CTDSPL: variants seen among roughly 807,000 people sequenced by gnomAD.
CTDSPL encodes CTD small phosphatase like.
CTDSPL carries 8 observed loss-of-function variants against 30.5 expected under a neutral mutation model. That is an observed-to-expected ratio of 0.26 (90% CI 0.15 to 0.47). The LOEUF (loss-of-function observed/expected upper bound fraction) is 0.47, where lower values mean the gene tolerates loss of function less well. Ranked by LOEUF, CTDSPL falls within the 20% of genes least tolerant of loss-of-function variation. The pLI, the probability that CTDSPL is intolerant of heterozygous loss-of-function variation, is 0.99. For synonymous variants in CTDSPL, 110 were observed against 137.9 expected (o/e 0.80, Z 1.42); for missense variants, 248 against 366.1 (o/e 0.68, Z 2.63).
At chr3:37,865,408 G>T (rs1697998003) in intron 1 of CTDSPL, among the ~76,000 whole-genome samples, 1 of 152,180 alleles carries the variant, frequency 6.6e-6, no homozygotes, top group African/African-American at 2.4e-5. Context: ...CATCAGCTTG[G>T]TTAAACATTT....
chr3:37,930,907 C>T (rs938958233), intron 1 of CTDSPL, among the ~76,000 whole-genome samples: 2 of 152,052 alleles, frequency 1.3e-5, no homozygotes, highest in African/African-American at 4.8e-5. Flanking sequence ...CATATAACTC[C>T]TTTTTATCAT....
chr3:37,945,543 C>T (rs1466334297), intron 1 of CTDSPL, among the ~76,000 whole-genome samples: 1 of 152,232 alleles, frequency 6.6e-6, no homozygotes, highest in African/African-American at 2.4e-5. Flanking sequence ...TATCTCTTCC[C>T]ACACTGCCAC....
chr3:37,910,697 A>G (rs1280913262), intron 1 of CTDSPL, among the ~76,000 whole-genome samples: 3 of 152,204 alleles, frequency 2.0e-5, no homozygotes, highest in Admixed American at 2.0e-4. Context: ...TTTTCTTTTT[A>G]TCTGCTTTGA....
chr3:37,978,477 C>T (rs1162003986), intron 7 of CTDSPL, among the ~76,000 whole-genome samples: 1 of 152,146 alleles, frequency 6.6e-6, no homozygotes, highest in African/African-American at 2.4e-5. Flanking sequence ...ACAGCTTATA[C>T]ACATAGCCTA....
chr3:37,876,772 A>G (rs1405985548), intron 1 of CTDSPL, among the ~76,000 whole-genome samples: 1 of 151,538 alleles, frequency 6.6e-6, no homozygotes, highest in Non-Finnish European at 1.5e-5. Flanking sequence ...TTATCGTCTT[A>G]GTAATGTCTT....
In CTDSPL at chr3:37,975,374, C is replaced by T. The variant is rs1249910066; in HGVS notation, c.520-335C>T. Among the ~76,000 whole-genome samples, 1 of 152,126 alleles carries T rather than the reference C, an allele frequency of 6.6e-6. No individual in the cohort carries two copies. Among genetic ancestry groups the T allele is most frequent in the Non-Finnish European group, 1.5e-5 (1 of 68,028 alleles). ...TAGGTGAATGGGCTAGAAAGGAGGCCCCGTGGGAAAGACAGGTTTTTCACG... is the reference window on the plus strand; with the variant it reads ...TAGGTGAATGGGCTAGAAAGGAGGCTCCGTGGGAAAGACAGGTTTTTCACG... On this transcript the variant is annotated intron_variant, in intron 6 of 7. Coordinates refer to ENST00000273179, the MANE Select transcript of CTDSPL (RefSeq NM_001008392.2). This position sits in a 1 kb window ranked among gnomAD's most constrained non-coding sequence, Gnocchi z 4.9.
intron 2 of CTDSPL, among the ~76,000 whole-genome samples, chr3:37,955,525 AGTCAT>A (rs1426622073): frequency 1.3e-5 from 2 of 152,230 alleles, no homozygotes; most frequent in African/African-American, 4.8e-5. Flanking sequence ...AAAAAGAAGA[AGTCAT>A]GTCATTTGCA....
chr3:37,905,505 G>C (rs984242316), intron 1 of CTDSPL, among the ~76,000 whole-genome samples: 1 of 152,184 alleles, frequency 6.6e-6, no homozygotes, highest in Non-Finnish European at 1.5e-5. Context: ...TCAATGCACA[G>C]CTATTTCTGT....
intron 1 of CTDSPL, among the ~76,000 whole-genome samples, chr3:37,895,315 T>C (rs956406694): frequency 3.9e-5 from 6 of 152,218 alleles, no homozygotes. Context: ...TTAGTTATTT[T>C]ATCCTTAGCT....
chr3:37,966,372 G>A (rs1272095620), intron 4 of CTDSPL, among the ~76,000 whole-genome samples: 2 of 152,240 alleles, frequency 1.3e-5, no homozygotes, highest in African/African-American at 4.8e-5. Context: ...TTTGTACAAT[G>A]CATAGGTTCA....
intron 2 of CTDSPL, among the ~76,000 whole-genome samples, chr3:37,949,669 T>C (rs1214323926): frequency 6.6e-5 from 10 of 152,344 alleles, no homozygotes; most frequent in Non-Finnish European, 1.2e-4. Context: ...TGTACTTCCC[T>C]CAGTTTTCAT....
chr3:37,917,839 T>C (rs1698667302), intron 1 of CTDSPL, among the ~76,000 whole-genome samples: 1 of 152,198 alleles, frequency 6.6e-6, no homozygotes, highest in Admixed American at 6.5e-5. Context: ...GTAAAATTTA[T>C]TGTGATTGTG....
chr3:37,864,894 C>T (rs1697992052), intron 1 of CTDSPL, among the ~76,000 whole-genome samples: 1 of 151,958 alleles, frequency 6.6e-6, no homozygotes, highest in Non-Finnish European at 1.5e-5. Flanking sequence ...ATCATTTATT[C>T]TGTAAAATAG....
chr3:37,923,506 T>C (rs558791882), intron 1 of CTDSPL, among the ~76,000 whole-genome samples: 11 of 152,354 alleles, frequency 7.2e-5, no homozygotes, highest in African/African-American at 2.6e-4. Flanking sequence ...TTTTGAAATA[T>C]GTGGTTTATG....
intron 2 of CTDSPL, among the ~76,000 whole-genome samples, chr3:37,953,805 A>G (rs891961203): frequency 2.0e-5 from 3 of 152,240 alleles, no homozygotes; most frequent in Admixed American, 2.0e-4. Context: ...CTAAAAATAA[A>G]CAGCAACCAA....
chr3:37,879,719 A>G (rs1187532294), intron 1 of CTDSPL, among the ~76,000 whole-genome samples: 1 of 152,186 alleles, frequency 6.6e-6, no homozygotes, highest in African/African-American at 2.4e-5. Flanking sequence ...AATAGAGTAT[A>G]AGGATGTGGG....
rs149823065 is a variant in CTDSPL, at chr3:37,869,452, A to G, written c.79+7174A>G. On this transcript the variant is annotated intron_variant, in intron 1 of 7. Coordinates refer to ENST00000273179, the MANE Select transcript of CTDSPL (RefSeq NM_001008392.2). ...CATGCAGACATACAAAAGATTTTTG[A>G]ATACTTATCTTGTATCCTATGACCT... Among the ~76,000 whole-genome samples the G allele has an allele frequency of 2.0e-5, 3 of 152,200 alleles. No homozygotes were observed. In the East Asian group the frequency reaches 5.8e-4, roughly 29 times the overall value.
intron 1 of CTDSPL, among the ~76,000 whole-genome samples, chr3:37,877,939 C>G (rs926806011): frequency 2.0e-5 from 3 of 152,144 alleles, no homozygotes; most frequent in Non-Finnish European, 2.9e-5. Flanking sequence ...CAGCTCCCAC[C>G]GGGCCCCACT....
At position 37,875,396 on chromosome 3, in the gene CTDSPL, G is replaced by C. The variant is rs1698124168; in HGVS notation, c.79+13118G>C. On this transcript the variant is annotated intron_variant, in intron 1 of 7. Coordinates refer to ENST00000273179, the MANE Select transcript of CTDSPL (RefSeq NM_001008392.2). ...ATTTGCCAAAATGTTTTAAAATCCT[G>C]GTATTTAAAGCACTTTAAAAATTGA... 2.0e-5 allele frequency among the ~76,000 whole-genome samples: 3 copies of C among 152,110 alleles called. No homozygotes were observed. The South Asian group carries it at 6.2e-4, about 32-fold the overall frequency.
Sources: gnomAD v4.1 joint callset for allele counts (sites outside exome capture counted in the v4.1 genomes callset) on GRCh38, gnomAD v4.1.1 for gene constraint, Gnocchi (gnomAD v3.1) non-coding constraint, MANE v1.5 for transcripts, NCBI Gene and HGNC (gene_info 2026-07-23, HGNC 2026-07-21) for gene names.